The following ANKS1B variants were observed in gnomAD, a reference collection of about 807,000 sequenced individuals.
ANKS1B encodes the protein ankyrin repeat and sterile alpha motif domain containing 1B.
Under a neutral mutation model 148.3 loss-of-function variants are expected in ANKS1B, and 36 were observed. The observed-to-expected ratio is 0.24, with a 90% CI of 0.19 to 0.32. The LOEUF is 0.32. Ranked by LOEUF, ANKS1B falls within the 10% of genes least tolerant of loss-of-function variation. The probability of loss-of-function intolerance (pLI) is 1.00; values close to 1 mark genes in which losing one functional copy is unlikely to be tolerated. For missense variants in ANKS1B, 1,157 were observed against 1,542.6 expected (o/e 0.75, Z 4.19); for synonymous variants, 542 against 560.8 (o/e 0.97, Z 0.47).
At chr12:98,988,317 T>G (rs1447481795) in intron 17 of ANKS1B, among the ~76,000 whole-genome samples, 3 of 152,102 alleles carry the variant, frequency 2.0e-5, no homozygotes, top group Admixed American at 6.5e-5. Context: ...TTCTATGAGA[T>G]CAACTTTTTT....
intron 4 of ANKS1B, among the ~76,000 whole-genome samples, chr12:99,783,772 G>A (rs76914068): frequency 0.013 from 1,936 of 152,094 alleles, 46 homozygotes; most frequent in African/African-American, 0.042. Context: ...GATTGACTGC[G>A]AAATTACAGC....
chr12:99,662,394 T>C (rs894011045), intron 8 of ANKS1B, among the ~76,000 whole-genome samples: 1 of 152,206 alleles, frequency 6.6e-6, no homozygotes, highest in Non-Finnish European at 1.5e-5. Flanking sequence ...CCATAAAAGC[T>C]GCATGATTGC....
rs573350211 is a variant in ANKS1B, at chr12:99,065,162, T to C, written c.2626-11853A>G. Among the ~76,000 whole-genome samples, 6 of 152,296 alleles carry C rather than the reference T, an allele frequency of 3.9e-5. 1 individual carries two copies. In the South Asian group the frequency reaches 8.3e-4, roughly 21 times the overall value. On this transcript the variant is annotated intron_variant, in intron 16 of 26. Coordinates refer to ENST00000683438, the MANE Select transcript of ANKS1B (RefSeq NM_001352186.2). ...CTCTTTTTTTCTCTGACAGTACATGTTTTCTGTCATTCATGCAGCTATTTG... is the reference window on the plus strand; with the variant it reads ...CTCTTTTTTTCTCTGACAGTACATGCTTTCTGTCATTCATGCAGCTATTTG...
intron 17 of ANKS1B, among the ~76,000 whole-genome samples, chr12:98,973,320 C>T (rs1367466476): frequency 1.3e-5 from 2 of 151,876 alleles, no homozygotes; most frequent in Non-Finnish European, 2.9e-5. Context: ...GCAGATGATA[C>T]AAGCAGTATA....
chr12:99,953,224 GAT>G (rs2095257710), intron 1 of ANKS1B, among the ~76,000 whole-genome samples: 1 of 151,662 alleles, frequency 6.6e-6, no homozygotes, highest in African/African-American at 2.4e-5. Flanking sequence ...AAGGAGGAAT[GAT>G]AAAAATAGAA....
intron 16 of ANKS1B, among the ~76,000 whole-genome samples, chr12:99,070,252 G>A (rs1342346234): frequency 2.0e-5 from 3 of 152,136 alleles, no homozygotes; most frequent in African/African-American, 7.2e-5. Context: ...CAAAGGATAG[G>A]TGGAAGGACT....
At chr12:99,369,126 C>A (rs2092944830) in intron 12 of ANKS1B, among the ~76,000 whole-genome samples, 1 of 152,154 alleles carries the variant, frequency 6.6e-6, no homozygotes, top group South Asian at 2.1e-4. Context: ...TAGTAACCAC[C>A]CTAAAAGTGA....
At chr12:99,592,915 C>T (rs2097718092) in intron 9 of ANKS1B, among the ~76,000 whole-genome samples, 1 of 151,990 alleles carries the variant, frequency 6.6e-6, no homozygotes, top group Non-Finnish European at 1.5e-5. Flanking sequence ...GTGTTCCAAG[C>T]TATAGGTTGA....
intron 12 of ANKS1B, among the ~76,000 whole-genome samples, chr12:99,347,509 C>T (rs768310303): frequency 6.6e-6 from 1 of 152,000 alleles, no homozygotes; most frequent in Non-Finnish European, 1.5e-5. Flanking sequence ...TAAAGGCCTG[C>T]CCCAACATAC....
At chr12:99,780,161 T>C (rs1457166692) in intron 5 of ANKS1B, among the ~76,000 whole-genome samples, 189 bp from the exon 6 acceptor site, 2 of 152,112 alleles carry the variant, frequency 1.3e-5, no homozygotes, top group African/African-American at 4.8e-5. Flanking sequence ...ACACAAGATT[T>C]TAGCAAGAAA....
intron 17 of ANKS1B, among the ~76,000 whole-genome samples, chr12:98,907,654 A>T (rs2099781212): frequency 6.6e-6 from 1 of 152,112 alleles, no homozygotes; most frequent in Non-Finnish European, 1.5e-5. Context: ...CCCTAATTGC[A>T]ACATCATGGC....
At chr12:99,760,439 T>C (rs1237922885) in intron 8 of ANKS1B, among the ~76,000 whole-genome samples, 3 of 151,884 alleles carry the variant, frequency 2.0e-5, no homozygotes, top group Non-Finnish European at 4.4e-5. Context: ...AACAACTTGC[T>C]ACTGAATGAG....
chr12:99,763,908 T>C (rs1365308804), intron 8 of ANKS1B, among the ~76,000 whole-genome samples: 3 of 152,306 alleles, frequency 2.0e-5, no homozygotes, highest in South Asian at 4.1e-4. Context: ...AAGAAAAATA[T>C]AATTTGACTT....
intron 9 of ANKS1B, among the ~76,000 whole-genome samples, chr12:99,595,058 G>C (rs1164600996): frequency 6.6e-6 from 1 of 151,900 alleles, no homozygotes; most frequent in Non-Finnish European, 1.5e-5. Context: ...ATAGACTTTG[G>C]TGCAGACTTA....
chr12:99,136,004 T>A (rs1012788573), intron 15 of ANKS1B, among the ~76,000 whole-genome samples: 1 of 151,820 alleles, frequency 6.6e-6, no homozygotes, highest in East Asian at 1.9e-4. Flanking sequence ...ACAGATAGTA[T>A]GATGGAGACT....
At chr12:99,315,973 A>C (rs2084008654) in intron 12 of ANKS1B, among the ~76,000 whole-genome samples, 1 of 152,142 alleles carries the variant, frequency 6.6e-6, no homozygotes, top group African/African-American at 2.4e-5. Flanking sequence ...TTCCAGCTTC[A>C]ACCATGTCCC....
intron 12 of ANKS1B, among the ~76,000 whole-genome samples, chr12:99,272,361 C>A (rs1389135466): frequency 6.6e-6 from 1 of 152,030 alleles, no homozygotes; most frequent in African/African-American, 2.4e-5. Flanking sequence ...AAAATCCAAG[C>A]AAAAGACAAT....
At chr12:99,144,132 TA>T (rs1055531264) in intron 15 of ANKS1B, among the ~76,000 whole-genome samples, 1 of 152,142 alleles carries the variant, frequency 6.6e-6, no homozygotes, top group Non-Finnish European at 1.5e-5. Flanking sequence ...AAATTGGCTA[TA>T]TTTTTTTTCT....
At chr12:99,871,591 AGT>A (rs2091524027) in intron 1 of ANKS1B, among the ~76,000 whole-genome samples, 1 of 152,102 alleles carries the variant, frequency 6.6e-6, no homozygotes, top group Admixed American at 6.6e-5. Flanking sequence ...TTCTTTCAGC[AGT>A]GTTTAGTAGT....
Sources: gnomAD v4.1 joint callset for allele counts (sites outside exome capture counted in the v4.1 genomes callset) on GRCh38, gnomAD v4.1.1 for gene constraint, MANE v1.5 for transcripts, NCBI Gene and HGNC (gene_info 2026-07-23, HGNC 2026-07-21) for gene names.